ATG10: variants seen among roughly 807,000 people sequenced by gnomAD.
ATG10 encodes ubiquitin-like-conjugating enzyme ATG10.
In ATG10, 30 loss-of-function variants were observed where a neutral mutation model predicts 32.1. The observed-to-expected ratio is 0.94, with a 90% CI of 0.70 to 1.27. The LOEUF is 1.27. ATG10 is among the 50% of genes most tolerant of loss of function. The pLI, the probability that ATG10 is intolerant of heterozygous loss-of-function variation, is 0.00. For synonymous variants in ATG10, 87 were observed against 91.5 expected (o/e 0.95, Z 0.28); for missense variants, 233 against 262.3 (o/e 0.89, Z 0.77).
At chr5:82,226,427 C>T (rs927719435) in intron 5 of ATG10, among the ~76,000 whole-genome samples, 5 of 151,998 alleles carry the variant, frequency 3.3e-5, no homozygotes, top group African/African-American at 7.2e-5. Flanking sequence ...ATAAACATCA[C>T]CCATTACTCA....
intron 3 of ATG10, among the ~76,000 whole-genome samples, chr5:82,152,296 A>G (rs1358320867): frequency 6.6e-6 from 1 of 152,230 alleles, no homozygotes; most frequent in African/African-American, 2.4e-5. Context: ...CCCCAGGACT[A>G]CTGAGCATAT....
At chr5:82,221,633 C>T (rs1473544089) in intron 5 of ATG10, among the ~76,000 whole-genome samples, 1 of 152,160 alleles carries the variant, frequency 6.6e-6, no homozygotes, top group African/African-American at 2.4e-5. Flanking sequence ...TTTGATAGGA[C>T]TCCGAAGCCA....
intron 1 of ATG10, among the ~76,000 whole-genome samples, chr5:81,978,376 T>C (rs1436959885): frequency 6.6e-6 from 1 of 152,130 alleles, no homozygotes; most frequent in African/African-American, 2.4e-5. Context: ...TTCTGTCTCT[T>C]CTTATTTTTT....
Position 81,983,047 on chromosome 5 carries a change from C to T in ATG10, c.-12-4512C>T, listed in dbSNP as rs544407013. 5.5e-3 allele frequency among the ~76,000 whole-genome samples: 841 copies of T among 152,330 alleles called. 3 individuals are homozygous for T. The highest frequency in any genetic ancestry group is 9.1e-3 in the Non-Finnish European group (622 of 68,024). ...ACAAAACCGCCATTGTCATCATGGC[C>T]CATTCTCAATGAGCTGTTGGGTACA... is the stretch of plus-strand genomic sequence containing the variant. On this transcript the variant is annotated intron_variant, in intron 1 of 7. Transcript: ENST00000282185.
chr5:81,979,762 T>C (rs1760982243), intron 1 of ATG10, among the ~76,000 whole-genome samples: 1 of 151,798 alleles, frequency 6.6e-6, no homozygotes, highest in African/African-American at 2.4e-5. Flanking sequence ...GTAGGCTATG[T>C]TTAGGCATAA....
intron 3 of ATG10, among the ~76,000 whole-genome samples, chr5:82,138,376 C>T (rs1423486440): frequency 1.3e-5 from 2 of 152,236 alleles, no homozygotes; most frequent in Non-Finnish European, 2.9e-5. Flanking sequence ...AAGCGAGTCT[C>T]CTGGTCTGTG....
At chr5:81,987,228 T>C (rs1581569651) in intron 1 of ATG10, among the ~76,000 whole-genome samples, 1 of 152,178 alleles carries the variant, frequency 6.6e-6, no homozygotes, top group East Asian at 1.9e-4. Flanking sequence ...TCTCAAGTGA[T>C]CCTCCTGCCT....
At chr5:82,220,762 CT>C (rs536010497) in intron 5 of ATG10, among the ~76,000 whole-genome samples, 173 of 141,744 alleles carry the variant, frequency 1.2e-3, no homozygotes, top group Admixed American at 1.5e-3. Context: ...CTTTCTCTCT[CT>C]TTTTTTTTTT....
chr5:82,196,984 G>T (rs193230974), intron 5 of ATG10, among the ~76,000 whole-genome samples: 1 of 152,238 alleles, frequency 6.6e-6, no homozygotes, highest in Non-Finnish European at 1.5e-5. Flanking sequence ...AATTTGAGGA[G>T]AATTGCCATC....
intron 3 of ATG10, among the ~76,000 whole-genome samples, chr5:82,059,202 T>C (rs1763692703): frequency 6.6e-6 from 1 of 152,198 alleles, no homozygotes; most frequent in Non-Finnish European, 1.5e-5. Flanking sequence ...TGAGATATTT[T>C]CATTTTTCTT....
At chr5:82,207,844 T>C (rs1048120941) in intron 5 of ATG10, among the ~76,000 whole-genome samples, 3 of 152,190 alleles carry the variant, frequency 2.0e-5, no homozygotes, top group Non-Finnish European at 2.9e-5. Flanking sequence ...GCTAATGTGA[T>C]TGAGGAGCTG....
chr5:82,101,132 C>T (rs895652056), intron 3 of ATG10, among the ~76,000 whole-genome samples: 7 of 152,004 alleles, frequency 4.6e-5, no homozygotes, highest in Non-Finnish European at 7.4e-5. Context: ...AATTAAGTTC[C>T]TAATTAAGTT....
chr5:82,022,033 A>G (rs1398682005), intron 2 of ATG10, among the ~76,000 whole-genome samples: 1 of 149,036 alleles, frequency 6.7e-6, no homozygotes, highest in Admixed American at 6.7e-5. Flanking sequence ...AAAAAAAAAA[A>G]AAAAAATTAG....
intron 1 of ATG10, among the ~76,000 whole-genome samples, chr5:81,982,542 TTG>T (rs908177299): frequency 1.6e-4 from 24 of 151,308 alleles, no homozygotes; most frequent in Admixed American, 1.4e-3. Context: ...GAGAGATTCA[TTG>T]TTTTTTTTTT....
intron 3 of ATG10, among the ~76,000 whole-genome samples, chr5:82,114,878 T>G (rs1765740547): frequency 6.6e-6 from 1 of 152,066 alleles, no homozygotes; most frequent in Non-Finnish European, 1.5e-5. Context: ...TCTTTACTGG[T>G]GAGAGAAATA....
chr5:82,116,702 G>A (rs560126643), intron 3 of ATG10, among the ~76,000 whole-genome samples: 62 of 152,120 alleles, frequency 4.1e-4, no homozygotes, highest in Non-Finnish European at 5.0e-4. Context: ...TACGCCTCCC[G>A]AATCCTATTT....
At chr5:82,072,987 A>G (rs1764175625) in intron 3 of ATG10, 1 of 152,140 alleles carries the variant, frequency 6.6e-6, no homozygotes, top group Non-Finnish European at 1.5e-5. Flanking sequence ...ATTCTAGGTA[A>G]TACTTTTTCT....
At chr5:82,052,410 A>G (rs1763461260) in intron 2 of ATG10, among the ~76,000 whole-genome samples, 1 of 152,174 alleles carries the variant, frequency 6.6e-6, no homozygotes, top group Non-Finnish European at 1.5e-5. Flanking sequence ...ACTACACTAG[A>G]AAACTTGCTT....
chr5:82,022,702 T>C (rs1210740067), intron 2 of ATG10, among the ~76,000 whole-genome samples: 1 of 151,568 alleles, frequency 6.6e-6, no homozygotes, highest in Non-Finnish European at 1.5e-5. Flanking sequence ...TTTACATATA[T>C]CTCATTTAAT....
Sources: gnomAD v4.1 joint callset for allele counts (sites outside exome capture counted in the v4.1 genomes callset) on GRCh38, gnomAD v4.1.1 for gene constraint, MANE v1.5 for transcripts, NCBI Gene and HGNC (gene_info 2026-07-23, HGNC 2026-07-21) for gene names.